RALYL: variants seen among roughly 807,000 people sequenced by gnomAD.
The protein encoded by RALYL is RALY RNA binding protein like.
A neutral mutation model predicts 35.1 loss-of-function variants in RALYL; 29 were observed. The observed-to-expected ratio is 0.83, with a 90% CI of 0.61 to 1.13. The LOEUF (loss-of-function observed/expected upper bound fraction) is 1.13, where lower values mean the gene tolerates loss of function less well. Among genes scored for constraint, RALYL ranks in the 50% most tolerant of loss-of-function variants. The pLI is 0.00. For missense variants in RALYL, 359 were observed against 360.4 expected, an observed-to-expected ratio of 1.00 and a Z score of 0.03; for synonymous variants, 120 against 127.6, an observed-to-expected ratio of 0.94 and a Z score of 0.40.
intron 1 of RALYL, among the ~76,000 whole-genome samples, chr8:84,260,375 A>C (rs1832031974): frequency 6.6e-6 from 1 of 152,120 alleles, no homozygotes; most frequent in Non-Finnish European, 1.5e-5. Context: ...CTCAGGTGTG[A>C]TCGCTCATGC....
intron 1 of RALYL, among the ~76,000 whole-genome samples, chr8:84,240,248 G>A (rs1586463169): frequency 6.6e-6 from 1 of 152,174 alleles, no homozygotes; most frequent in East Asian, 1.9e-4. Context: ...TGATGTTATT[G>A]TTTTTTAAAA....
At chr8:84,660,434 A>G (rs375626908) in intron 2 of RALYL, among the ~76,000 whole-genome samples, 9 of 151,884 alleles carry the variant, frequency 5.9e-5, no homozygotes, top group African/African-American at 2.2e-4. Flanking sequence ...CCTCTGTCTC[A>G]TTAGAGGTAT....
chr8:84,605,948 T>A (rs1817039697), intron 2 of RALYL, among the ~76,000 whole-genome samples: 1 of 152,128 alleles, frequency 6.6e-6, no homozygotes, highest in Non-Finnish European at 1.5e-5. Context: ...CAGAGTTATT[T>A]GTGAGATTCA....
intron 2 of RALYL, among the ~76,000 whole-genome samples, chr8:84,632,148 GAAGA>G (rs1391109266): frequency 2.0e-5 from 3 of 151,864 alleles, no homozygotes; most frequent in African/African-American, 7.3e-5. Context: ...AGGACAGCTG[GAAGA>G]TGCCGTCTAT....
At chr8:84,204,208 A>C (rs1817559466) in intron 1 of RALYL, among the ~76,000 whole-genome samples, 1 of 152,124 alleles carries the variant, frequency 6.6e-6, no homozygotes, top group Non-Finnish European at 1.5e-5. Flanking sequence ...AAAAGATCTG[A>C]ATAAATATTG....
At chr8:84,650,843 C>G (rs888432084) in intron 2 of RALYL, among the ~76,000 whole-genome samples, 4 of 151,948 alleles carry the variant, frequency 2.6e-5, no homozygotes, top group African/African-American at 9.7e-5. Flanking sequence ...CAATGATAGA[C>G]TGGATTAAGA....
intron 2 of RALYL, among the ~76,000 whole-genome samples, chr8:84,712,104 T>A (rs1162927268): frequency 2.0e-5 from 3 of 152,168 alleles, no homozygotes; most frequent in African/African-American, 7.2e-5. Context: ...TTATTGATGC[T>A]TGTAGGGAAT....
chr8:84,679,708 C>T (rs1834970836), intron 2 of RALYL: 3 of 516,696 alleles, frequency 5.8e-6, no homozygotes, highest in Admixed American at 4.0e-5. Context: ...ATGGCTTTGA[C>T]CCTCAAGGCA....
At position 84,549,565 on chromosome 8, in the gene RALYL, T is replaced by G. The variant is rs199828288; in HGVS notation, c.256+19988T>G. ...TCAAAATGTTTTGCCTCTCCCCTGA[T>G]AAGGAGGTCTTTGCAAAAGCTCTGA... On this transcript the variant is annotated intron_variant, in intron 2 of 8. Transcript: ENST00000521268. Among the ~76,000 whole-genome samples, 19 of 152,296 alleles carry G rather than the reference T, an allele frequency of 1.2e-4. No homozygotes were observed. In the East Asian group the frequency reaches 3.3e-3, roughly 26 times the overall value.
At chr8:84,195,016 C>T (rs1392358095) in intron 1 of RALYL, among the ~76,000 whole-genome samples, 3 of 151,946 alleles carry the variant, frequency 2.0e-5, no homozygotes, top group Non-Finnish European at 4.4e-5. Context: ...AAAATAGACA[C>T]GCTCACATAA....
At chr8:84,920,639 T>C (rs1191194642) in intron 8 of RALYL, among the ~76,000 whole-genome samples, 2 of 152,008 alleles carry the variant, frequency 1.3e-5, no homozygotes, top group Non-Finnish European at 2.9e-5. Context: ...GGTTGAAAAG[T>C]AATTGCTGAC....
chr8:84,381,865 T>C (rs1858059098), intron 1 of RALYL, among the ~76,000 whole-genome samples: 1 of 151,822 alleles, frequency 6.6e-6, no homozygotes, highest in Admixed American at 6.6e-5. Flanking sequence ...ACTGTTTCTG[T>C]GGCATTTTTC....
At chr8:84,911,488 A>G (rs890403636) in intron 8 of RALYL, among the ~76,000 whole-genome samples, 1 of 152,140 alleles carries the variant, frequency 6.6e-6, no homozygotes, top group Non-Finnish European at 1.5e-5. Flanking sequence ...GATATCTTCT[A>G]TTGTATTCTC....
At position 84,185,159 on chromosome 8, in the gene RALYL, C is replaced by G. The variant is rs1449939667; in HGVS notation, c.-24+735C>G. On this transcript the variant is annotated intron_variant, in intron 1 of 8. Coordinates refer to ENST00000521268, the MANE Select transcript of RALYL (RefSeq NM_173848.7). Reference sequence around the variant, plus strand: ...CTTCCAGGGGATGGGGAAATAGTTTCTTATAAGATGATCACTTGGGTTTAA... The same window carrying G: ...CTTCCAGGGGATGGGGAAATAGTTTGTTATAAGATGATCACTTGGGTTTAA... The G allele has an allele frequency of 9.9e-5, 81 of 814,678 alleles. 1 individual carries two copies. The South Asian group carries it at 1.1e-3, about 12-fold the overall frequency. 50.5% of individuals were successfully genotyped at this position (814,678 alleles called of 1,614,324 possible).
chr8:84,744,416 G>A (rs1417822663), intron 2 of RALYL, among the ~76,000 whole-genome samples: 2 of 151,916 alleles, frequency 1.3e-5, no homozygotes, highest in East Asian at 3.9e-4. Flanking sequence ...ACATTCTCCT[G>A]TCATTGCCTT....
At chr8:84,322,162 A>T (rs1480437838) in intron 1 of RALYL, among the ~76,000 whole-genome samples, 1 of 152,138 alleles carries the variant, frequency 6.6e-6, no homozygotes, top group Non-Finnish European at 1.5e-5. Flanking sequence ...ATAGCAGTAT[A>T]AATCAACTTC....
intron 2 of RALYL, among the ~76,000 whole-genome samples, chr8:84,583,835 G>C (rs1811385560): frequency 6.6e-6 from 1 of 152,128 alleles, no homozygotes; most frequent in South Asian, 2.1e-4. Context: ...TTATAGGACT[G>C]TCATAAAAAC....
At chr8:84,915,116 GT>G (rs1348291152) in intron 8 of RALYL, among the ~76,000 whole-genome samples, 1 of 151,922 alleles carries the variant, frequency 6.6e-6, no homozygotes, top group East Asian at 1.9e-4. Flanking sequence ...CATATAAACT[GT>G]TTTTATAAAC....
At chr8:84,501,826 T>C (rs2056693487) in intron 1 of RALYL, among the ~76,000 whole-genome samples, 1 of 148,456 alleles carries the variant, frequency 6.7e-6, no homozygotes, top group African/African-American at 2.5e-5. Flanking sequence ...AAATAATATA[T>C]TAATAAATAA....
Sources: allele counts gnomAD v4.1 joint callset (sites outside exome capture counted in the v4.1 genomes callset), GRCh38; gene constraint gnomAD v4.1.1; transcripts MANE v1.5; gene names NCBI Gene and HGNC (gene_info 2026-07-23, HGNC 2026-07-21).